GRIA4: variants seen among roughly 807,000 people sequenced by gnomAD.
GRIA4 encodes the protein glutamate receptor 4.
In GRIA4, 34 loss-of-function variants were observed where a neutral mutation model predicts 104.0. The ratio of observed to expected loss-of-function variants is 0.33; its 90% CI spans 0.25 to 0.44. The LOEUF is 0.44. GRIA4 is among the 20% of genes least tolerant of loss of function. The pLI is 1.00. For synonymous variants in GRIA4, 386 were observed against 381.9 expected (o/e 1.01, Z -0.13); for missense variants, 750 against 1,096.5 (o/e 0.68, Z 4.46).
At chr11:105,839,333 C>G (rs745860962) in intron 4 of GRIA4, among the ~76,000 whole-genome samples, 5 of 152,032 alleles carry the variant, frequency 3.3e-5, no homozygotes, top group Non-Finnish European at 7.4e-5. Flanking sequence ...CATATTTACT[C>G]TTCTTTGCAT....
intron 4 of GRIA4, among the ~76,000 whole-genome samples, chr11:105,847,062 C>A (rs1471927629): frequency 6.6e-6 from 1 of 151,770 alleles, no homozygotes; most frequent in African/African-American, 2.4e-5. Context: ...CACCTCAGAT[C>A]ATCAGGATCT....
At chr11:105,865,183 A>C (rs565706794) in intron 5 of GRIA4, among the ~76,000 whole-genome samples, 54 of 152,328 alleles carry the variant, frequency 3.5e-4, no homozygotes, top group Non-Finnish European at 6.3e-4. Flanking sequence ...GTATTTGAAA[A>C]TATGGTTTAA....
intron 11 of GRIA4, among the ~76,000 whole-genome samples, chr11:105,921,843 T>TA (rs757699550): frequency 2.7e-5 from 4 of 150,392 alleles, no homozygotes; most frequent in African/African-American, 4.8e-5. Context: ...AACAATTTTC[T>TA]AACACTTCAT....
intron 3 of GRIA4, among the ~76,000 whole-genome samples, chr11:105,620,196 C>A (rs920649927): frequency 1.3e-5 from 2 of 151,844 alleles, no homozygotes; most frequent in Non-Finnish European, 2.9e-5. Flanking sequence ...GAATAGTTTG[C>A]AGGATTTGAC....
intron 3 of GRIA4, among the ~76,000 whole-genome samples, chr11:105,686,609 C>A (rs1043331586): frequency 6.6e-6 from 1 of 152,182 alleles, no homozygotes; most frequent in East Asian, 1.9e-4. Context: ...ATTGCTAAGT[C>A]TAATGGTAGC....
Position 105,805,038 on chromosome 11 carries a change from C to T in GRIA4, c.487+51818C>T, listed in dbSNP as rs899067321. Among the ~76,000 whole-genome samples, 5 of 151,884 alleles carry T rather than the reference C, an allele frequency of 3.3e-5. No homozygotes were observed. The South Asian group carries it at 6.2e-4, about 19-fold the overall frequency. On this transcript the variant is annotated intron_variant, in intron 4 of 16. Transcript: ENST00000282499. ...ATCTCAGGGACTATGCCCTCTTAGA[C>T]ACATAATTTTATAATTTGAAACAAT...
intron 3 of GRIA4, among the ~76,000 whole-genome samples, chr11:105,742,339 T>C (rs1201062027): frequency 6.6e-6 from 1 of 152,154 alleles, no homozygotes; most frequent in African/African-American, 2.4e-5. Flanking sequence ...ATGAAATCTA[T>C]GAAATGAGGT....
chr11:105,638,704 T>A (rs1013437599), intron 3 of GRIA4, among the ~76,000 whole-genome samples: 6 of 152,144 alleles, frequency 3.9e-5, no homozygotes, highest in Admixed American at 2.0e-4. Flanking sequence ...TTGATCCTAG[T>A]TTTTTACAAT....
At chr11:105,738,635 T>C (rs1939108152) in intron 3 of GRIA4, among the ~76,000 whole-genome samples, 1 of 152,152 alleles carries the variant, frequency 6.6e-6, no homozygotes, top group Non-Finnish European at 1.5e-5. Flanking sequence ...ACTTCCAAAA[T>C]GCATTTAAAT....
intron 3 of GRIA4, among the ~76,000 whole-genome samples, chr11:105,745,713 G>A (rs1939617294): frequency 6.6e-6 from 1 of 152,112 alleles, no homozygotes. Context: ...ATTTGTGTTA[G>A]TAAAATATCA....
intron 5 of GRIA4, among the ~76,000 whole-genome samples, chr11:105,883,440 C>T (rs539117967): frequency 6.2e-5 from 9 of 145,258 alleles, no homozygotes; most frequent in Non-Finnish European, 9.1e-5. Context: ...CCCCACCCCA[C>T]GGCAGGCCCA....
At chr11:105,679,955 T>C (rs1952657886) in intron 3 of GRIA4, among the ~76,000 whole-genome samples, 1 of 152,106 alleles carries the variant, frequency 6.6e-6, no homozygotes, top group Non-Finnish European at 1.5e-5. Flanking sequence ...CAGGTTATGG[T>C]AATACTAAGA....
At chr11:105,736,800 T>C (rs1938984610) in intron 3 of GRIA4, among the ~76,000 whole-genome samples, 1 of 152,110 alleles carries the variant, frequency 6.6e-6, no homozygotes, top group Non-Finnish European at 1.5e-5. Flanking sequence ...AATGTTACTT[T>C]AGTATAAAAG....
chr11:105,948,361 A>G (rs1948369007), intron 14 of GRIA4, among the ~76,000 whole-genome samples: 1 of 152,168 alleles, frequency 6.6e-6, no homozygotes, highest in African/African-American at 2.4e-5. Context: ...CAAGAATTTA[A>G]TGGAAAATTT....
chr11:105,708,531 T>C (rs1162735646), intron 3 of GRIA4, among the ~76,000 whole-genome samples: 1 of 152,144 alleles, frequency 6.6e-6, no homozygotes, highest in Non-Finnish European at 1.5e-5. Context: ...GTTAGGTTCA[T>C]ATGTTATTAG....
intron 4 of GRIA4, among the ~76,000 whole-genome samples, chr11:105,817,957 A>G (rs995693101): frequency 2.0e-5 from 3 of 152,148 alleles, no homozygotes; most frequent in Non-Finnish European, 4.4e-5. Flanking sequence ...AAGCAAGAAC[A>G]CAGAGCAGAG....
At chr11:105,676,900 T>A (rs867377649) in intron 3 of GRIA4, among the ~76,000 whole-genome samples, 1 of 151,762 alleles carries the variant, frequency 6.6e-6, no homozygotes, top group Admixed American at 6.6e-5. Context: ...AAAGTGTGTG[T>A]TACCAATTTA....
intron 14 of GRIA4, among the ~76,000 whole-genome samples, chr11:105,970,606 A>T (rs1485302115): frequency 6.6e-6 from 1 of 152,172 alleles, no homozygotes; most frequent in Non-Finnish European, 1.5e-5. Context: ...TGTCATGATC[A>T]CCATCATTCT....
intron 3 of GRIA4, among the ~76,000 whole-genome samples, chr11:105,643,320 A>T (rs989516423): frequency 3.3e-5 from 5 of 152,216 alleles, no homozygotes; most frequent in Non-Finnish European, 7.3e-5. Flanking sequence ...CAAGGAAGTG[A>T]CATCAATGTT....
Sources: gnomAD v4.1 joint callset for allele counts (sites outside exome capture counted in the v4.1 genomes callset) on GRCh38, gnomAD v4.1.1 for gene constraint, MANE v1.5 for transcripts, NCBI Gene and HGNC (gene_info 2026-07-23, HGNC 2026-07-21) for gene names.